ROBO2: variants seen among roughly 807,000 people sequenced by gnomAD.
ROBO2 encodes roundabout homolog 2.
ROBO2 carries 53 observed loss-of-function variants against 160.8 expected under a neutral mutation model. The ratio of observed to expected loss-of-function variants is 0.33; its 90% CI spans 0.26 to 0.41. ROBO2 has a LOEUF of 0.41. Among genes scored for constraint, ROBO2 ranks in the 10% least tolerant of loss-of-function variants. ROBO2 has a pLI of 1.00. For synonymous variants in ROBO2, 664 were observed against 611.7 expected (o/e 1.09, Z -1.26); for missense variants, 1,577 against 1,722.4 (o/e 0.92, Z 1.49).
intron 2 of ROBO2, among the ~76,000 whole-genome samples, chr3:76,010,897 A>T (rs644976): frequency 0.79 from 120,007 of 152,052 alleles, 48,094 homozygotes; most frequent in East Asian, 0.96. Flanking sequence ...TATCTCATTT[A>T]GAACTCACAT....
rs576121108 is a variant in ROBO2, at chr3:76,126,926, G to A, written c.109+189324G>A. Among the ~76,000 whole-genome samples the A allele has an allele frequency of 4.6e-5, 7 of 152,224 alleles. No homozygotes were observed. The East Asian group carries it at 1.2e-3, about 25-fold the overall frequency. ...AACTACAAGATTTGTTTAAGACTGA[G>A]TTTCTGCTTAATATCTTGTTGTGAG... is the stretch of plus-strand genomic sequence containing the variant. On this transcript the variant is annotated intron_variant, in intron 2 of 26. Coordinates refer to the ROBO2 transcript ENST00000487694.
At chr3:76,308,275 G>T (rs1042541942) in intron 2 of ROBO2, among the ~76,000 whole-genome samples, 3 of 150,354 alleles carry the variant, frequency 2.0e-5, no homozygotes, top group African/African-American at 7.3e-5. Flanking sequence ...TACTCGAGAG[G>T]CTGAGGCAGA....
chr3:77,034,071 GA>G (rs142282680), intron 2 of ROBO2, among the ~76,000 whole-genome samples: 12,182 of 148,138 alleles, frequency 0.082, 660 homozygotes, highest in African/African-American at 0.15. Context: ...ATTGCTCAGA[GA>G]AAAAAAAAAT....
chr3:77,051,007 G>T (rs1182676281), intron 1 of ROBO2, among the ~76,000 whole-genome samples: 1 of 130,668 alleles, frequency 7.7e-6, no homozygotes, highest in Admixed American at 8.0e-5. Context: ...GACAGAGGGA[G>T]ACCCTGTCTC....
chr3:76,920,023 G>C (rs539516287), intron 2 of ROBO2, among the ~76,000 whole-genome samples: 8 of 152,256 alleles, frequency 5.3e-5, no homozygotes, highest in South Asian at 2.1e-4. Context: ...GTAAAGCCCA[G>C]TGCAAAATAA....
intron 1 of ROBO2, among the ~76,000 whole-genome samples, chr3:77,069,281 T>A (rs1260770467): frequency 6.6e-6 from 1 of 152,206 alleles, no homozygotes; most frequent in African/African-American, 2.4e-5. Context: ...GAGGTCTGAA[T>A]GTGTTTAAGA....
At chr3:77,547,901 G>A (rs964102267) in intron 7 of ROBO2, among the ~76,000 whole-genome samples, 8 of 151,658 alleles carry the variant, frequency 5.3e-5, no homozygotes, top group African/African-American at 1.7e-4. Flanking sequence ...AGATGTTAGC[G>A]TCTCAGACTC....
chr3:76,363,461 A>T (rs1394028084), intron 2 of ROBO2, among the ~76,000 whole-genome samples: 1 of 152,082 alleles, frequency 6.6e-6, no homozygotes, highest in East Asian at 1.9e-4. Context: ...ATCGTAACAG[A>T]ATCTTCATAA....
At chr3:76,393,901 A>T (rs1384357392) in intron 2 of ROBO2, among the ~76,000 whole-genome samples, 2 of 152,210 alleles carry the variant, frequency 1.3e-5, no homozygotes, top group Admixed American at 1.3e-4. Flanking sequence ...GTATATGCCT[A>T]GATTTGTTAA....
intron 2 of ROBO2, among the ~76,000 whole-genome samples, chr3:76,220,895 T>C (rs1165581335): frequency 6.6e-6 from 1 of 152,206 alleles, no homozygotes; most frequent in Non-Finnish European, 1.5e-5. Flanking sequence ...TTCCTTTCTC[T>C]TTAGCAAGAA....
intron 2 of ROBO2, among the ~76,000 whole-genome samples, chr3:77,007,090 G>A (rs2061620352): frequency 6.6e-6 from 1 of 152,106 alleles, no homozygotes; most frequent in Non-Finnish European, 1.5e-5. Context: ...TGAGAGGAAA[G>A]AATACAGGGA....
chr3:77,103,024 GA>G (rs2072221961), intron 2 of ROBO2, among the ~76,000 whole-genome samples: 1 of 152,168 alleles, frequency 6.6e-6, no homozygotes, highest in Admixed American at 6.5e-5. Flanking sequence ...GGACCACCAG[GA>G]GAGCCATGGT....
intron 2 of ROBO2, among the ~76,000 whole-genome samples, chr3:76,977,985 C>A (rs1239298476): frequency 6.6e-6 from 1 of 152,164 alleles, no homozygotes; most frequent in Non-Finnish European, 1.5e-5. Context: ...TTCTAAAATG[C>A]ATGAATTTCT....
intron 2 of ROBO2, among the ~76,000 whole-genome samples, chr3:77,202,403 T>C (rs1372715457): frequency 6.6e-6 from 1 of 152,190 alleles, no homozygotes; most frequent in African/African-American, 2.4e-5. Context: ...GTCAAATTAA[T>C]GATACTTCTG....
At chr3:76,819,833 T>TCTG (rs2065966109) in intron 2 of ROBO2, among the ~76,000 whole-genome samples, 1 of 152,112 alleles carries the variant, frequency 6.6e-6, no homozygotes, top group Non-Finnish European at 1.5e-5. Flanking sequence ...GATCAAATGC[T>TCTG]CTGCTGTTGT....
intron 6 of ROBO2, 140 bp from the exon 8 acceptor site, chr3:77,546,198 G>A (rs1452328451): frequency 2.1e-6 from 2 of 963,910 alleles, no homozygotes; most frequent in Non-Finnish European, 3.1e-6. Flanking sequence ...TTTGTGTTTT[G>A]AGAAATGTGT....
intron 2 of ROBO2, among the ~76,000 whole-genome samples, chr3:77,379,759 G>C (rs1050395250): frequency 2.0e-5 from 3 of 152,058 alleles, no homozygotes; most frequent in Admixed American, 1.3e-4. Context: ...CGCAGAGCTT[G>C]CTCTTAGCTT....
chr3:76,189,712 T>G (rs1282069583), intron 2 of ROBO2, among the ~76,000 whole-genome samples: 4 of 152,144 alleles, frequency 2.6e-5, no homozygotes, highest in Non-Finnish European at 5.9e-5. Context: ...GTTATTTTCA[T>G]GAAGTCATTT....
chr3:76,217,514 G>A (rs543844778), intron 2 of ROBO2, among the ~76,000 whole-genome samples: 25 of 152,094 alleles, frequency 1.6e-4, no homozygotes, highest in South Asian at 8.3e-4. Flanking sequence ...ACAAACTACC[G>A]TCAGAGAATA....
Sources: allele counts gnomAD v4.1 joint callset (sites outside exome capture counted in the v4.1 genomes callset), GRCh38; gene constraint gnomAD v4.1.1; transcripts MANE v1.5; gene names NCBI Gene and HGNC (gene_info 2026-07-23, HGNC 2026-07-21).